The following CSMD1 variants were observed in gnomAD, a reference collection of about 807,000 sequenced individuals.
CSMD1 encodes the protein CUB and Sushi multiple domains 1, also known as CUB and sushi domain-containing protein 1.
In CSMD1, 213 loss-of-function variants were observed where a neutral mutation model predicts 417.5. The ratio of observed to expected loss-of-function variants is 0.51; its 90% CI spans 0.46 to 0.57. The LOEUF is 0.57. Among genes scored for constraint, CSMD1 ranks in the 20% least tolerant of loss-of-function variants. CSMD1 has a pLI of 0.00. For missense variants in CSMD1, 6,923 were observed against 4,529.7 expected (o/e 1.53, Z -15.17); for synonymous variants, 2,862 against 1,736.8 (o/e 1.65, Z -16.11).
chr8:4,003,572 A>G (rs1485369093), intron 4 of CSMD1, among the ~76,000 whole-genome samples: 1 of 152,228 alleles, frequency 6.6e-6, no homozygotes, highest in Non-Finnish European at 1.5e-5. Flanking sequence ...CTTTCTTATT[A>G]TGATAGGCAT....
At chr8:4,146,581 T>A (rs979950477) in intron 3 of CSMD1, among the ~76,000 whole-genome samples, 28 of 144,388 alleles carry the variant, frequency 1.9e-4, no homozygotes, top group Admixed American at 7.7e-4. Context: ...TGTCTAAATG[T>A]TTATATGGAC....
At chr8:4,675,647 C>T (rs1237039071) in intron 1 of CSMD1, among the ~76,000 whole-genome samples, 1 of 152,180 alleles carries the variant, frequency 6.6e-6, no homozygotes, top group Non-Finnish European at 1.5e-5. Flanking sequence ...AGCAGGATAT[C>T]TTTCTGGCAA....
At chr8:3,582,465 A>G (rs897796893) in intron 9 of CSMD1, among the ~76,000 whole-genome samples, 6 of 152,138 alleles carry the variant, frequency 3.9e-5, no homozygotes, top group African/African-American at 1.4e-4. Context: ...GATGCCAGCC[A>G]GGAAGTGGGG....
At chr8:3,738,735 T>C (rs1006625837) in intron 6 of CSMD1, among the ~76,000 whole-genome samples, 3 of 152,140 alleles carry the variant, frequency 2.0e-5, no homozygotes, top group Admixed American at 6.5e-5. Flanking sequence ...AACCCTAATT[T>C]CAAAGACAAA....
chr8:4,637,766 G>A (rs1802924399), intron 1 of CSMD1, among the ~76,000 whole-genome samples: 2 of 144,872 alleles, frequency 1.4e-5, no homozygotes, highest in Non-Finnish European at 1.5e-5. Flanking sequence ...CGCTTCCCGG[G>A]TTCACGCCAT....
chr8:3,368,262 T>C (rs1809728959), intron 19 of CSMD1, among the ~76,000 whole-genome samples: 1 of 152,184 alleles, frequency 6.6e-6, no homozygotes, highest in Non-Finnish European at 1.5e-5. Context: ...CCATTTCATA[T>C]TAAGTCGGGT....
chr8:3,052,499 C>T lies in CSMD1; in HGVS notation c.7623G>A (p.Gly2541=), dbSNP rs747854575. The change falls in exon 50 of 70, where the codon GGG becomes GGA. Residue 2541 remains glycine (G), a synonymous_variant. Coordinates refer to ENST00000635120, the MANE Select transcript of CSMD1 (RefSeq NM_033225.6). Reference sequence around the variant, plus strand: ...GCGGCTTCCCCTTGTTACTCCACAACCCATCTTCTTGACACACGGCTGTTG... The same window carrying T: ...GCGGCTTCCCCTTGTTACTCCACAATCCATCTTCTTGACACACGGCTGTTG... ...QQATAVCQED[G]LWSNKGKPPT... 4.1e-5 allele frequency: 66 copies of T among 1,594,930 alleles called. No homozygotes were observed. Among genetic ancestry groups the T allele is most frequent in the Middle Eastern group, 1.7e-4 (1 of 6,058 alleles).
intron 25 of CSMD1, among the ~76,000 whole-genome samples, chr8:3,293,600 G>A (rs550638751): frequency 9.9e-5 from 15 of 152,028 alleles, no homozygotes; most frequent in African/African-American, 3.6e-4. Context: ...CTGATACCTT[G>A]TCTTCCTGTT....
chr8:3,199,833 T>G, intron 32 of CSMD1, 24 bp from the exon 33 acceptor site: 1 of 1,467,464 alleles, frequency 6.8e-7, no homozygotes, highest in Non-Finnish European at 9.4e-7. Context: ...CAGAGACAGA[T>G]TCAGAAAACA....
chr8:4,994,344 T>C lies in CSMD1; in HGVS notation c.73A>G (p.Thr25Ala). Residue 25 changes from threonine (T) to alanine (A), a missense_variant, in exon 1 of 70, where the codon ACT becomes GCT. Physicochemically the swap from Thr to Ala is moderately conservative, Grantham distance 58. Coordinates refer to ENST00000635120, the MANE Select transcript of CSMD1 (RefSeq NM_033225.6). The stretch of plus-strand genomic sequence containing the variant: ...AAGTCCGTCTTACCCTTCGCTGCAG[T>C]GAGGAGCCTCGCGCACAGCACCAGC... ...GLLVLCARLL[T>A]AAKGQNCGGL... The C allele has an allele frequency of 6.2e-7, 1 of 1,611,010 alleles. No homozygotes were observed. The highest frequency in any genetic ancestry group is 8.5e-7 in the Non-Finnish European group (1 of 1,179,780).
chr8:3,841,033 G>C (rs34812377), intron 5 of CSMD1, among the ~76,000 whole-genome samples: 14,853 of 151,960 alleles, frequency 0.098, 952 homozygotes, highest in East Asian at 0.16. Flanking sequence ...TGGTACATGA[G>C]TCTTAGGGCA....
At chr8:4,653,891 T>A (rs540540000) in intron 1 of CSMD1, among the ~76,000 whole-genome samples, 43 of 152,090 alleles carry the variant, frequency 2.8e-4, no homozygotes, top group African/African-American at 1.0e-3. Flanking sequence ...ATGCAAAATA[T>A]CTCAGTAGTC....
intron 1 of CSMD1, among the ~76,000 whole-genome samples, chr8:4,891,396 G>C (rs1056089685): frequency 6.6e-6 from 1 of 152,140 alleles, no homozygotes; most frequent in Non-Finnish European, 1.5e-5. Context: ...CCTTGATCAG[G>C]TTGGTACATT....
intron 3 of CSMD1, among the ~76,000 whole-genome samples, chr8:4,234,222 G>A (rs777925887): frequency 3.3e-5 from 5 of 152,146 alleles, no homozygotes; most frequent in South Asian, 2.1e-4. Flanking sequence ...ATCTGTAAGC[G>A]AAGGCTGCCA....
intron 12 of CSMD1, among the ~76,000 whole-genome samples, chr8:3,427,679 T>G (rs1215871756): frequency 1.3e-5 from 2 of 152,224 alleles, no homozygotes; most frequent in East Asian, 3.9e-4. Context: ...GTTAACTCAC[T>G]TTATCCCTTT....
intron 46 of CSMD1, among the ~76,000 whole-genome samples, 161 bp from the exon 47 acceptor site, chr8:3,097,198 C>A (rs1252430545): frequency 5.9e-5 from 9 of 152,138 alleles, no homozygotes; most frequent in Non-Finnish European, 1.2e-4. Flanking sequence ...GGGAGGGCAA[C>A]ATTGAATAAT....
Position 4,949,163 on chromosome 8 carries a change from C to T in CSMD1, c.85+45169G>A, listed in dbSNP as rs1193755330. ...ACTGCCTTTGTATTCTTAGGATAAA[C>T]TCAAGTTTATCATGTTATAATATTG... On this transcript the variant is annotated intron_variant, in intron 1 of 69. Transcript: ENST00000635120. Among the ~76,000 whole-genome samples, 4 of 152,168 alleles carry T rather than the reference C, an allele frequency of 2.6e-5. No homozygotes were observed. The South Asian group carries it at 6.2e-4, about 24-fold the overall frequency.
chr8:4,177,724 G>A (rs778695947), intron 3 of CSMD1, among the ~76,000 whole-genome samples: 3 of 149,792 alleles, frequency 2.0e-5, no homozygotes, highest in Non-Finnish European at 4.4e-5. Flanking sequence ...TCAAATAGAT[G>A]CAATAAAAAA....
intron 5 of CSMD1, among the ~76,000 whole-genome samples, chr8:3,845,042 A>G (rs1359771103): frequency 6.6e-6 from 1 of 152,230 alleles, no homozygotes; most frequent in Non-Finnish European, 1.5e-5. Flanking sequence ...TAACACAATA[A>G]AGGTCTCCTG....
Sources: allele counts gnomAD v4.1 joint callset (sites outside exome capture counted in the v4.1 genomes callset), GRCh38; gene constraint gnomAD v4.1.1; transcripts MANE v1.5; gene names NCBI Gene and HGNC (gene_info 2026-07-23, HGNC 2026-07-21).